The following CSE1L variants were observed in gnomAD, a reference collection of about 807,000 sequenced individuals.
The protein encoded by CSE1L is exportin-2.
A neutral mutation model predicts 120.4 loss-of-function variants in CSE1L; 24 were observed. The ratio of observed to expected loss-of-function variants is 0.20; its 90% CI spans 0.14 to 0.28. CSE1L has a LOEUF of 0.28. Among genes scored for constraint, CSE1L ranks in the 10% least tolerant of loss-of-function variants. The pLI is 1.00. For synonymous variants in CSE1L, 402 were observed against 398.3 expected, an observed-to-expected ratio of 1.01 and a Z score of -0.11; for missense variants, 830 against 1,145.2, an observed-to-expected ratio of 0.72 and a Z score of 3.97.
At chr20:49,083,940 A>C in intron 14 of CSE1L, 86 bp from the exon 15 acceptor site, 1 of 1,377,954 alleles carries the variant, frequency 7.3e-7, no homozygotes, top group East Asian at 2.3e-5. Flanking sequence ...TTGTTCTTTA[A>C]ATCAACAGGT....
intron 3 of CSE1L, 110 bp from the exon 4 acceptor site, chr20:49,066,082 T>C (rs1209063090): frequency 3.4e-6 from 3 of 893,052 alleles, no homozygotes; most frequent in Non-Finnish European, 5.1e-6. Context: ...CTTCCTCTAT[T>C]TGTTTTCTTA....
chr20:49,088,995 G>A (rs995486660), intron 17 of CSE1L, among the ~76,000 whole-genome samples: 8 of 152,030 alleles, frequency 5.3e-5, no homozygotes, highest in Admixed American at 1.3e-4. Flanking sequence ...GCGAGGGCAC[G>A]TGGGCTTAAG....
chr20:49,094,625 A>G (rs2092125921), intron 23 of CSE1L, 107 bp from the exon 24 acceptor site: 1 of 738,338 alleles, frequency 1.4e-6, no homozygotes. Context: ...GTCCCCTTTT[A>G]TTCTTGAGAC....
At position 49,096,521 on chromosome 20, in the gene CSE1L, A is replaced by C. The variant is rs1172330984; in HGVS notation, c.*83A>C. 12 of 1,080,882 alleles carry C rather than the reference A, an allele frequency of 1.1e-5. No individual in the cohort carries two copies. The highest frequency in any genetic ancestry group is 4.0e-4 in the Middle Eastern group (2 of 4,986). The allele number at this position is 1,080,882 out of a possible 1,614,324, so 67.0% of individuals were successfully genotyped here. A position where few individuals can be genotyped will look rare whatever the true frequency, so the allele number is the denominator to read the frequency against. ...GAGCACAGCTGCATTAAAACAAAGGAAGTTCTCCTTTTGAACTTGTCACGA... is the reference window on the plus strand; with the variant it reads ...GAGCACAGCTGCATTAAAACAAAGGCAGTTCTCCTTTTGAACTTGTCACGA... On this transcript the variant is annotated 3_prime_UTR_variant, in exon 25 of 25. Coordinates refer to ENST00000262982, the MANE Select transcript of CSE1L (RefSeq NM_001316.4).
intron 14 of CSE1L, among the ~76,000 whole-genome samples, chr20:49,082,652 G>A (rs1459387689): frequency 6.6e-6 from 1 of 152,016 alleles, no homozygotes; most frequent in Non-Finnish European, 1.5e-5. Flanking sequence ...CGCGATAGCT[G>A]GGACTACAGG....
chr20:49,055,440 G>A (rs75257715), intron 1 of CSE1L, among the ~76,000 whole-genome samples: 2,327 of 152,228 alleles, frequency 0.015, 68 homozygotes, highest in South Asian at 0.085. Flanking sequence ...AATGGGTCCC[G>A]GTATGGTGGG....
Position 49,096,279 on chromosome 20 carries a change from G to C in CSE1L, c.2827-70G>C. On this transcript the variant is annotated intron_variant, in intron 24 of 24. Coordinates refer to ENST00000262982, the MANE Select transcript of CSE1L (RefSeq NM_001316.4). ...TTCCCAGAGCTGTGGCAGCTCTCCCGTAGAAGATGGGGTTTGTATTGGCGC... is the reference window on the plus strand; with the variant it reads ...TTCCCAGAGCTGTGGCAGCTCTCCCCTAGAAGATGGGGTTTGTATTGGCGC... 3.2e-6 allele frequency: 4 copies of C among 1,235,690 alleles called. No homozygotes were observed. The South Asian group carries it at 4.8e-5, about 15-fold the overall frequency. The allele number at this position is 1,235,690 out of a possible 1,614,324, so 76.5% of individuals were successfully genotyped here.
rs756242755 is a variant in CSE1L at position 49,096,336 on chromosome 20, C to T, written c.2827-13C>T. 1.6e-5 allele frequency: 25 copies of T among 1,607,336 alleles called. No individual in the cohort carries two copies. In the African/African-American group the frequency reaches 2.8e-4, roughly 18 times the overall value. On this transcript the variant is annotated splice_polypyrimidine_tract_variant and intron_variant, in intron 24 of 24. Transcript: ENST00000262982. ...ATCTCCAACAGCCAGTGTGTGTTTC[C>T]CATCTCTTGTAGGTTCCATCAATGG...
chr20:49,081,244 C>T (rs899656542), intron 14 of CSE1L, among the ~76,000 whole-genome samples: 3 of 152,022 alleles, frequency 2.0e-5, no homozygotes, highest in Non-Finnish European at 4.4e-5. Flanking sequence ...CCTCGGTCTC[C>T]GAAAGTGCTG....
intron 14 of CSE1L, among the ~76,000 whole-genome samples, chr20:49,080,450 C>A (rs2123730629): frequency 6.6e-6 from 1 of 152,162 alleles, no homozygotes; most frequent in East Asian, 1.9e-4. Context: ...ACATTGTCAA[C>A]ATTTTTTAAA....
Position 49,096,501 on chromosome 20 carries a change from C to G in CSE1L, c.*63C>G, listed in dbSNP as rs1385819335. Reference sequence around the variant, plus strand: ...CTAGGAAATCACAGGCTTCTGAGCACAGCTGCATTAAAACAAAGGAAGTTC... The same window carrying G: ...CTAGGAAATCACAGGCTTCTGAGCAGAGCTGCATTAAAACAAAGGAAGTTC... On this transcript the variant is annotated 3_prime_UTR_variant, in exon 25 of 25. Transcript: ENST00000262982. 1 of 1,205,770 alleles carries G rather than the reference C, an allele frequency of 8.3e-7. No homozygotes were observed. Among genetic ancestry groups the G allele is most frequent in the Non-Finnish European group, 1.2e-6 (1 of 812,086 alleles). The allele number at this position is 1,205,770 out of a possible 1,614,324, so 74.7% of individuals were successfully genotyped here. A position where few individuals can be genotyped will look rare whatever the true frequency, so the allele number is the denominator to read the frequency against.
chr20:49,096,467 G>A lies in CSE1L; in HGVS notation c.*29G>A. ...GCATTTTTCTAATGGGCTAAACCCAGATGGTTTCCTAGGAAATCACAGGCT... is the reference window on the plus strand; with the variant it reads ...GCATTTTTCTAATGGGCTAAACCCAAATGGTTTCCTAGGAAATCACAGGCT... On this transcript the variant is annotated 3_prime_UTR_variant, in exon 25 of 25. Coordinates refer to ENST00000262982, the MANE Select transcript of CSE1L (RefSeq NM_001316.4). 6.5e-7 allele frequency: 1 copy of A among 1,537,784 alleles called. No homozygotes were observed. Among genetic ancestry groups the A allele is most frequent in the Non-Finnish European group, 9.0e-7 (1 of 1,110,646 alleles).
chr20:49,063,146 T>C (rs2091865152), intron 2 of CSE1L, 56 bp from the exon 3 acceptor site: 5 of 992,830 alleles, frequency 5.0e-6, no homozygotes, highest in Middle Eastern at 3.5e-4. Context: ...ATATTTGATA[T>C]ATATAAGGTG....
intron 1 of CSE1L, among the ~76,000 whole-genome samples, chr20:49,053,121 A>G (rs188955338): frequency 1.0e-3 from 154 of 149,750 alleles, no homozygotes; most frequent in Non-Finnish European, 2.4e-4. Context: ...TCCAATCTGG[A>G]CAATACAGTG....
chr20:49,083,435 A>T (rs911356146), intron 14 of CSE1L, among the ~76,000 whole-genome samples: 1 of 151,696 alleles, frequency 6.6e-6, no homozygotes, highest in African/African-American at 2.4e-5. Flanking sequence ...TTTTTATTTA[A>T]TTTTTTCTTA....
intron 2 of CSE1L, among the ~76,000 whole-genome samples, chr20:49,061,417 C>A (rs2091851853): frequency 6.6e-6 from 1 of 151,618 alleles, no homozygotes; most frequent in Non-Finnish European, 1.5e-5. Flanking sequence ...CGTGATCCAC[C>A]CGCCTCAGCC....
At chr20:49,072,488 A>G (rs1483530919) in intron 9 of CSE1L, 35 bp downstream of exon 9, 6 of 1,609,466 alleles carry the variant, frequency 3.7e-6, no homozygotes, top group Non-Finnish European at 5.1e-6. Context: ...ATTAAAAGAC[A>G]TTCTCTCCCT....
chr20:49,049,677 A>T (rs372465580), intron 1 of CSE1L, among the ~76,000 whole-genome samples: 7 of 152,300 alleles, frequency 4.6e-5, no homozygotes, highest in African/African-American at 1.2e-4. Flanking sequence ...TATTTTCTCA[A>T]ATTAAGGATA....
At chr20:49,072,745 TG>T (rs777688269) in intron 10 of CSE1L, 48 bp downstream of exon 10, 7 of 1,518,682 alleles carry the variant, frequency 4.6e-6, no homozygotes, top group Non-Finnish European at 6.2e-6. Context: ...AGTCTGTGTT[TG>T]TTTTTTGTAA....
Sources: gnomAD v4.1 joint callset for allele counts (sites outside exome capture counted in the v4.1 genomes callset) on GRCh38, gnomAD v4.1.1 for gene constraint, MANE v1.5 for transcripts, NCBI Gene and HGNC (gene_info 2026-07-23, HGNC 2026-07-21) for gene names.